GPHN: variants seen among roughly 807,000 people sequenced by gnomAD.
GPHN encodes the protein gephyrin.
A neutral mutation model predicts 95.5 loss-of-function variants in GPHN; 17 were observed. The ratio of observed to expected loss-of-function variants is 0.18; its 90% CI spans 0.12 to 0.27. The LOEUF (loss-of-function observed/expected upper bound fraction) is 0.27, where lower values mean the gene tolerates loss of function less well. GPHN is among the 10% of genes least tolerant of loss of function. GPHN has a pLI of 1.00. For missense variants in GPHN, 660 were observed against 978.1 expected (o/e 0.67, Z 4.34); for synonymous variants, 320 against 322.5 (o/e 0.99, Z 0.08).
intron 3 of GPHN, among the ~76,000 whole-genome samples, chr14:66,787,884 A>C (rs1192350881): frequency 1.3e-5 from 2 of 151,768 alleles, no homozygotes; most frequent in African/African-American, 2.4e-5. Flanking sequence ...TAAAACTGTC[A>C]GAAGAAAAAA....
chr14:67,659,119 C>T, the GPHN span, among the ~76,000 whole-genome samples: 3 of 152,276 alleles, frequency 2.0e-5, no homozygotes, highest in East Asian at 5.8e-4. Flanking sequence ...TTCAATTAGT[C>T]CAATTTTATA....
chr14:66,674,351 G>C (rs1035016094), intron 1 of GPHN, among the ~76,000 whole-genome samples: 1 of 151,980 alleles, frequency 6.6e-6, no homozygotes, highest in African/African-American at 2.4e-5. Flanking sequence ...ACCCGCCTCA[G>C]CCTCCCAAAG....
the GPHN span, chr14:67,333,867 T>C: frequency 1.5e-4 from 23 of 152,630 alleles, no homozygotes; most frequent in Non-Finnish European, 2.6e-4. Flanking sequence ...CATGGGAGGA[T>C]AGCACATTTG....
the GPHN span, among the ~76,000 whole-genome samples, chr14:67,309,381 G>A: frequency 1.3e-5 from 2 of 152,130 alleles, no homozygotes; most frequent in African/African-American, 4.8e-5. Flanking sequence ...TTTTTCAGAT[G>A]TGAAATAAAT....
At chr14:67,648,327 C>T in the GPHN span, 1 of 884,866 alleles carries the variant, frequency 1.1e-6, no homozygotes, top group African/African-American at 1.7e-5. Flanking sequence ...ATTATATGGC[C>T]ATGCTAATAA....
At chr14:66,578,528 G>T (rs1595057487) in intron 1 of GPHN, among the ~76,000 whole-genome samples, 2 of 151,546 alleles carry the variant, frequency 1.3e-5, no homozygotes, top group Admixed American at 1.3e-4. Flanking sequence ...AAAACTCTCA[G>T]AAGCGTTAAG....
chr14:66,654,117 T>C (rs991787903), intron 1 of GPHN, among the ~76,000 whole-genome samples: 2 of 152,172 alleles, frequency 1.3e-5, no homozygotes, highest in African/African-American at 2.4e-5. Context: ...GCTATTGTTA[T>C]AGATGTGTGA....
the GPHN span, chr14:67,571,095 C>A: frequency 6.6e-6 from 1 of 152,536 alleles, no homozygotes; most frequent in Non-Finnish European, 1.5e-5. Context: ...CTAAAGCTTT[C>A]CTCCAATAAT....
chr14:66,824,025 T>C (rs988305656), intron 3 of GPHN, among the ~76,000 whole-genome samples: 4 of 152,196 alleles, frequency 2.6e-5, no homozygotes, highest in Non-Finnish European at 5.9e-5. Flanking sequence ...TGTGTAATTT[T>C]GTAAATTATT....
intron 2 of GPHN, among the ~76,000 whole-genome samples, chr14:66,740,469 G>C (rs1429114384): frequency 6.6e-6 from 1 of 151,634 alleles, no homozygotes; most frequent in African/African-American, 2.4e-5. Context: ...CTGAATACTA[G>C]GGATACAGGT....
chr14:66,900,638 G>A (rs1299700255), intron 5 of GPHN, among the ~76,000 whole-genome samples: 2 of 151,642 alleles, frequency 1.3e-5, no homozygotes, highest in African/African-American at 2.4e-5. Context: ...GAGAACTTGC[G>A]ACATTCTTCC....
the GPHN span, among the ~76,000 whole-genome samples, chr14:67,612,159 C>T: frequency 6.6e-6 from 1 of 152,190 alleles, no homozygotes; most frequent in Non-Finnish European, 1.5e-5. Context: ...GCTTGCCCAC[C>T]TGCTACTCAC....
At chr14:67,663,302 A>G in the GPHN span, 1 of 690,394 alleles carries the variant, frequency 1.4e-6, no homozygotes, top group East Asian at 3.0e-5. Flanking sequence ...CATCTAAAAT[A>G]TGATAGCAAG....
the GPHN span, chr14:67,204,498 T>G: frequency 6.4e-7 from 1 of 1,573,640 alleles, no homozygotes; most frequent in Non-Finnish European, 8.6e-7. Context: ...AAGCCTCCCA[T>G]CAGGTCTCCA....
In GPHN at chr14:67,033,854, A is replaced by G. The variant is rs551166371; in HGVS notation, c.1006+10179A>G. 2.6e-5 allele frequency among the ~76,000 whole-genome samples: 4 copies of G among 152,332 alleles called. No homozygotes were observed. In the South Asian group the frequency reaches 8.3e-4, roughly 32 times the overall value. ...AAGAGAAAAGTAACTCATCATGTAC[A>G]ATGAAGTTCCCATAAGAATGTCATT... is the stretch of plus-strand genomic sequence containing the variant. On this transcript the variant is annotated intron_variant, in intron 10 of 22. Transcript: ENST00000478722.
At chr14:67,231,612 C>T in the GPHN span, among the ~76,000 whole-genome samples, 1 of 152,120 alleles carries the variant, frequency 6.6e-6, no homozygotes, top group Admixed American at 6.5e-5. Flanking sequence ...GTGGTGGTTA[C>T]ATTAGTGTGT....
the GPHN span, chr14:67,392,473 G>C: frequency 6.9e-7 from 1 of 1,444,882 alleles, no homozygotes. Flanking sequence ...AAAAGACCCA[G>C]GCCCAGGCTA....
intron 10 of GPHN, among the ~76,000 whole-genome samples, chr14:67,048,827 CAT>C (rs753231209): frequency 2.8e-4 from 43 of 152,186 alleles, no homozygotes; most frequent in Non-Finnish European, 5.1e-4. Context: ...TTTTGTAATA[CAT>C]ATGAGTTTAA....
At chr14:67,176,744 CA>C (rs1367337228) in intron 21 of GPHN, among the ~76,000 whole-genome samples, 1 of 152,164 alleles carries the variant, frequency 6.6e-6, no homozygotes, top group Admixed American at 6.5e-5. Context: ...ATTATTGCCC[CA>C]ATTTCAAAGT....
Sources: gnomAD v4.1 joint callset for allele counts (sites outside exome capture counted in the v4.1 genomes callset) on GRCh38, gnomAD v4.1.1 for gene constraint, MANE v1.5 for transcripts, NCBI Gene and HGNC (gene_info 2026-07-23, HGNC 2026-07-21) for gene names.